CFAP74: variants seen among roughly 807,000 people sequenced by gnomAD.
CFAP74 encodes the protein cilia and flagella associated protein 74, also known as cilia- and flagella-associated protein 74.
Under a neutral mutation model 188.9 loss-of-function variants are expected in CFAP74, and 124 were observed. That is an observed-to-expected ratio of 0.66 (90% CI 0.57 to 0.76). CFAP74 has a LOEUF of 0.76. Among genes scored for constraint, CFAP74 ranks in the 30% least tolerant of loss-of-function variants. The pLI is 0.00. For synonymous variants in CFAP74, 956 were observed against 916.7 expected, an observed-to-expected ratio of 1.04 and a Z score of -0.77; for missense variants, 2,198 against 2,165.2, an observed-to-expected ratio of 1.02 and a Z score of -0.30.
intron 25 of CFAP74, among the ~76,000 whole-genome samples, chr1:1,937,229 G>C (rs186586928): frequency 6.6e-6 from 1 of 152,230 alleles, no homozygotes; most frequent in South Asian, 2.1e-4. Flanking sequence ...GGGCGTTAGC[G>C]CCCTGGGGAA....
At position 1,993,676 on chromosome 1, in the gene CFAP74, A is replaced by G. The variant is rs181492416; in HGVS notation, c.-19-2701T>C. On this transcript the variant is annotated intron_variant, in intron 1 of 38. Transcript: ENST00000682832. ...TTGTACCATGATTAATATACAAAAC[A>G]GCTGATGTCAAATGCTTATAAATCA... is the stretch of plus-strand genomic sequence containing the variant. Among the ~76,000 whole-genome samples the G allele has an allele frequency of 2.4e-4, 10 of 42,368 alleles. No homozygotes were observed. The East Asian group carries it at 8.1e-3, about 34-fold the overall frequency. The allele number at this position is 42,368 out of a possible 152,430, so 27.8% of individuals were successfully genotyped here.
intron 18 of CFAP74, chr1:1,955,239 C>G: frequency 7.7e-7 from 1 of 1,290,600 alleles, no homozygotes; most frequent in South Asian, 1.2e-5. Context: ...GAGACGCAAG[C>G]GATTCCCGAT....
chr1:1,945,330 T>C (rs561309498), intron 20 of CFAP74, among the ~76,000 whole-genome samples: 140 of 152,090 alleles, frequency 9.2e-4, no homozygotes, highest in Non-Finnish European at 1.8e-3. Flanking sequence ...GAGTGAGGTT[T>C]TGGGAGGGCC....
At chr1:1,987,062 G>C (rs942693448) in intron 4 of CFAP74, 27 bp from the exon 5 acceptor site, 2 of 1,560,482 alleles carry the variant, frequency 1.3e-6, no homozygotes, top group Non-Finnish European at 8.7e-7. Flanking sequence ...AAGGTCAGAT[G>C]ATGGTTCCCT....
intron 16 of CFAP74, among the ~76,000 whole-genome samples, chr1:1,957,033 G>C (rs546528506): frequency 6.6e-6 from 1 of 152,390 alleles, no homozygotes; most frequent in East Asian, 1.9e-4. Context: ...AGGGTTCAGT[G>C]AGAGGACGCA....
chr1:1,972,382 A>G (rs1285156176), intron 8 of CFAP74, among the ~76,000 whole-genome samples: 1 of 152,266 alleles, frequency 6.6e-6, no homozygotes, highest in Non-Finnish European at 1.5e-5. Context: ...GTGCTGGCGC[A>G]GAGGCCGGGC....
At chr1:1,950,293 G>A (rs145840463) in intron 18 of CFAP74, among the ~76,000 whole-genome samples, 1,753 of 150,650 alleles carry the variant, frequency 0.012, 23 homozygotes, top group African/African-American at 0.04. Context: ...TCTCATCCAC[G>A]TACGTATCTT....
chr1:1,995,672 G>C (rs1657879983), intron 1 of CFAP74, among the ~76,000 whole-genome samples: 1 of 152,018 alleles, frequency 6.6e-6, no homozygotes, highest in Admixed American at 6.6e-5. Context: ...CATTTTGGGA[G>C]GCAGAGGTGG....
rs986809739 is a variant in CFAP74 at position 1,922,128 on chromosome 1, G to A, written c.*159C>T. ...ATGTCCCTGGGCTTGCGGGGTCCAG[G>A]GCAGCAGGAAGTGGCCGTGGCGCCA... On this transcript the variant is annotated 3_prime_UTR_variant, in exon 39 of 39. Transcript: ENST00000682832. 6.6e-6 allele frequency: 4 copies of A among 604,162 alleles called. No homozygotes were observed. Among genetic ancestry groups the A allele is most frequent in the Non-Finnish European group, 1.2e-5 (4 of 343,070 alleles). 37.4% of individuals were successfully genotyped at this position (604,162 alleles called of 1,614,324 possible). A position where few individuals can be genotyped will look rare whatever the true frequency, so the allele number is the denominator to read the frequency against.
chr1:1,944,275 G>A, intron 21 of CFAP74, 56 bp downstream of exon 21: 1 of 1,517,244 alleles, frequency 6.6e-7, no homozygotes, highest in Non-Finnish European at 8.8e-7. Context: ...CAGGCAGGCA[G>A]CGGCTCACCC....
chr1:1,927,847 G>A (rs1570820181), intron 27 of CFAP74, 101 bp from the exon 28 acceptor site: 10 of 1,365,020 alleles, frequency 7.3e-6, no homozygotes, highest in African/African-American at 2.9e-5. Flanking sequence ...CGCGGGAGCC[G>A]CAGTTGGGAT....
intron 13 of CFAP74, among the ~76,000 whole-genome samples, chr1:1,964,528 G>A (rs575515167): frequency 2.3e-4 from 35 of 152,372 alleles, no homozygotes; most frequent in Non-Finnish European, 4.4e-4. Context: ...AGTGGCTCAT[G>A]CCTGCAATCC....
chr1:1,928,079 T>G, intron 27 of CFAP74: 1 of 399,124 alleles, frequency 2.5e-6, no homozygotes, highest in Non-Finnish European at 4.8e-6. Flanking sequence ...TCCCCTCGAG[T>G]GCACGCCCAG....
At chr1:1,966,315 C>G in intron 12 of CFAP74, 56 bp downstream of exon 12, 1 of 1,412,132 alleles carries the variant, frequency 7.1e-7, no homozygotes, top group South Asian at 1.6e-5. Context: ...GGTGGCGAGC[C>G]GGCGACAGAG....
Position 1,924,455 on chromosome 1 carries a change from C to T in CFAP74, c.4170G>A (p.Arg1390=), listed in dbSNP as rs546268061. ...SMHLDSLSST[R]GRGQQQLPQF... is the part of the protein sequence containing the mutation. ...GCGGCAGCTGCTGCTGGCCCCGGCC[C>T]CGGGTGCTGGAGAGGCTGTCCAGGT... is the stretch of plus-strand genomic sequence containing the variant. Residue 1390 remains arginine (R), a synonymous_variant, in exon 34 of 39, where the codon CGG becomes CGA. Coordinates refer to ENST00000682832, the MANE Select transcript of CFAP74 (RefSeq NM_001304360.2). 5.0e-6 allele frequency: 8 copies of T among 1,589,306 alleles called. No homozygotes were observed. The East Asian group carries it at 1.1e-4, about 23-fold the overall frequency.
chr1:1,987,522 C>A (rs1657313531), intron 4 of CFAP74, among the ~76,000 whole-genome samples: 1 of 150,532 alleles, frequency 6.6e-6, no homozygotes, highest in African/African-American at 2.5e-5. Flanking sequence ...CGGAGCAAAG[C>A]CCAGAGCATG....
In CFAP74 at chr1:1,993,875, G is replaced by A. The variant is rs948772438; in HGVS notation, c.-19-2900C>T. 3.9e-4 allele frequency among the ~76,000 whole-genome samples: 59 copies of A among 150,760 alleles called. 1 individual carries two copies. The East Asian group carries it at 3.9e-3, about 10-fold the overall frequency. ...CGGGCGCCTATAGTCCCAGCTACTC[G>A]GGAGGCTGAGGCAGGAGAATGGCGT... is the stretch of plus-strand genomic sequence containing the variant. On this transcript the variant is annotated intron_variant, in intron 1 of 38. Coordinates refer to ENST00000682832, the MANE Select transcript of CFAP74 (RefSeq NM_001304360.2).
intron 6 of CFAP74, 120 bp downstream of exon 6, chr1:1,985,266 C>G (rs1657159508): frequency 1.3e-6 from 1 of 776,508 alleles, no homozygotes; most frequent in Non-Finnish European, 2.2e-6. Flanking sequence ...CTTTCCACTT[C>G]CCCGCAGTTT....
intron 22 of CFAP74, among the ~76,000 whole-genome samples, chr1:1,941,120 A>G (rs1278398662): frequency 6.6e-6 from 1 of 151,204 alleles, no homozygotes; most frequent in Admixed American, 6.6e-5. Context: ...CTCAAAAAAG[A>G]AAGAAAGAAA....
Sources: gnomAD v4.1 joint callset for allele counts (sites outside exome capture counted in the v4.1 genomes callset) on GRCh38, gnomAD v4.1.1 for gene constraint, MANE v1.5 for transcripts, NCBI Gene and HGNC (gene_info 2026-07-23, HGNC 2026-07-21) for gene names.